TUT4: variants seen among roughly 807,000 people sequenced by gnomAD.
TUT4 encodes terminal uridylyl transferase 4.
TUT4 carries 36 observed loss-of-function variants against 192.2 expected under a neutral mutation model. The ratio of observed to expected loss-of-function variants is 0.19; its 90% confidence interval spans 0.14 to 0.25. TUT4 has a LOEUF of 0.25. Ranked by LOEUF, TUT4 falls within the 10% of genes least tolerant of loss-of-function variation. TUT4 has a pLI of 1.00. For synonymous variants in TUT4, 618 were observed against 666.0 expected (o/e 0.93, Z 1.11); for missense variants, 1,493 against 1,957.2 (o/e 0.76, Z 4.47).
At chr1:52,466,682 A>ATTTTTTT (rs1553174161) in intron 15 of TUT4, among the ~76,000 whole-genome samples, 17 of 123,842 alleles carry the variant, frequency 1.4e-4, no homozygotes, top group African/African-American at 5.2e-4. Flanking sequence ...ATATATATAT[A>ATTTTTTT]TTTTTGAGAC....
chr1:52,480,801 G>C (rs990745064), intron 11 of TUT4, among the ~76,000 whole-genome samples: 2 of 152,204 alleles, frequency 1.3e-5, no homozygotes, highest in African/African-American at 4.8e-5. Context: ...GTGGTTTGAG[G>C]AGAGAGTATA....
At chr1:52,538,230 C>G (rs943769232) in intron 1 of TUT4, among the ~76,000 whole-genome samples, 1 of 151,846 alleles carries the variant, frequency 6.6e-6, no homozygotes, top group African/African-American at 2.4e-5. Flanking sequence ...AGCAAGACTC[C>G]ATCTCAAAAA....
intron 2 of TUT4, among the ~76,000 whole-genome samples, chr1:52,516,608 T>C (rs925529987): frequency 6.6e-6 from 1 of 152,184 alleles, no homozygotes; most frequent in Non-Finnish European, 1.5e-5. Flanking sequence ...ACAGACTATG[T>C]TTTCACCTTT....
chr1:52,553,305 G>C (rs1161144584), upstream of TUT4: 3 of 150,602 alleles, frequency 2.0e-5, no homozygotes, highest in African/African-American at 7.3e-5. Flanking sequence ...CCCTTCGTTC[G>C]GGGGGCCCCA....
intron 16 of TUT4, among the ~76,000 whole-genome samples, chr1:52,464,685 C>G (rs1418971236): frequency 6.6e-6 from 1 of 152,132 alleles, no homozygotes; most frequent in African/African-American, 2.4e-5. Context: ...TATAGTAACA[C>G]AAAGACATCA....
chr1:52,493,658 T>C lies in TUT4; in HGVS notation c.1271A>G (p.Asn424Ser), dbSNP rs748571622. 3.3e-5 allele frequency: 50 copies of C among 1,508,278 alleles called. No homozygotes were observed. The highest frequency in any genetic ancestry group is 4.4e-5 in the Non-Finnish European group (49 of 1,109,520). The allele number at this position is 1,508,278 out of a possible 1,614,324, so 93.4% of individuals were successfully genotyped here. The change falls in exon 7 of 30, where the codon AAT becomes AGT. Residue 424 changes from asparagine (N) to serine (S), a missense_variant. Transcript: ENST00000257177. ...NIDIKFPPKMNHPDLLIKVLG... is the reference protein window; with the variant it reads ...NIDIKFPPKMSHPDLLIKVLG... ...TACTTTTATCAGAAGATCTGGATGA[T>C]TCATCTAAAAAAGTTTCAAAAATAA...
At chr1:52,505,393 G>A (rs890057369) in intron 4 of TUT4, among the ~76,000 whole-genome samples, 10 of 143,830 alleles carry the variant, frequency 7.0e-5, no homozygotes, top group South Asian at 2.2e-4. Flanking sequence ...TATAGAAGTC[G>A]TCTTCTACTC....
chr1:52,515,391 A>T (rs529008068), intron 3 of TUT4: 1 of 161,348 alleles, frequency 6.2e-6, no homozygotes, highest in East Asian at 1.8e-4. Flanking sequence ...ATCAGAGGTC[A>T]GCAAGTTTCG....
intron 9 of TUT4, among the ~76,000 whole-genome samples, chr1:52,483,527 T>A (rs1669025056): frequency 1.3e-5 from 2 of 152,178 alleles, no homozygotes; most frequent in South Asian, 4.1e-4. Context: ...AAATATTTTT[T>A]AGGCCGGGCA....
At chr1:52,474,499 T>A (rs1379398596) in intron 13 of TUT4, among the ~76,000 whole-genome samples, 1 of 152,186 alleles carries the variant, frequency 6.6e-6, no homozygotes, top group Non-Finnish European at 1.5e-5. Flanking sequence ...AGCTTGAATG[T>A]GGCTTTTGTT....
intron 4 of TUT4, among the ~76,000 whole-genome samples, chr1:52,504,945 T>G (rs1480317764): frequency 6.6e-6 from 1 of 152,256 alleles, no homozygotes; most frequent in East Asian, 1.9e-4. Flanking sequence ...TTCCATTGTA[T>G]GAATACTGTA....
intron 9 of TUT4, among the ~76,000 whole-genome samples, chr1:52,482,304 T>C (rs1240784456): frequency 6.6e-6 from 1 of 152,218 alleles, no homozygotes; most frequent in African/African-American, 2.4e-5. Flanking sequence ...CTATTTCCTA[T>C]ATAGGTATAG....
At position 52,461,216 on chromosome 1, in the gene TUT4, T is replaced by A; in HGVS notation, c.3239A>T (p.His1080Leu). ...ATAAGTAGCTAGCATTCTTGTGTTA[T>A]GTTGAGCCTGAAAAATAATTACATA... Reference protein sequence around the residue: ...DISLYNTLAQHNTRMLATYAA... With the variant: ...DISLYNTLAQLNTRMLATYAA... Residue 1080 changes from histidine (H) to leucine (L), a missense_variant, in exon 19 of 30, where the codon CAT (histidine) becomes CTT (leucine). Coordinates refer to ENST00000257177, the MANE Select transcript of TUT4 (RefSeq NM_001009881.3). The A allele has an allele frequency of 6.2e-7, 1 of 1,603,010 alleles. No individual in the cohort carries two copies. Among genetic ancestry groups the A allele is most frequent in the Non-Finnish European group, 8.5e-7 (1 of 1,175,496 alleles).
At chr1:52,445,036 T>C (rs1485099660) in intron 24 of TUT4, among the ~76,000 whole-genome samples, 1 of 150,820 alleles carries the variant, frequency 6.6e-6, no homozygotes, top group Non-Finnish European at 1.5e-5. Context: ...TGTGTATATA[T>C]ATATGTGTGT....
At chr1:52,434,008 TAG>T (rs1652953133) in intron 27 of TUT4, 1 of 152,208 alleles carries the variant, frequency 6.6e-6, no homozygotes, top group African/African-American at 2.4e-5. Context: ...TAATGATACA[TAG>T]AGATTTATTT....
Position 52,526,045 on chromosome 1 carries a change from T to C in TUT4, c.236A>G (p.Asn79Ser), listed in dbSNP as rs755796267. Reference sequence around the variant, plus strand: ...CCCCAAATCTTTAGGACCTGGAAGGTTGGCAGCATTTACTTTACATGATTT... The same window carrying C: ...CCCCAAATCTTTAGGACCTGGAAGGCTGGCAGCATTTACTTTACATGATTT... ...EVKSCKVNAA[N>S]LPGPKDLGLV... Residue 79 changes from asparagine to serine, a missense_variant, in exon 2 of 30, where the codon AAC (asparagine) becomes AGC (serine). By Grantham distance (46) the Asn-to-Ser change is conservative. Around this residue, in one of 7 missense-constraint regions of TUT4, gnomAD observed 260 missense variants for 247.8 expected, o/e 1.05. Transcript: ENST00000257177. 68 of 1,611,990 alleles carry C rather than the reference T, an allele frequency of 4.2e-5. No individual in the cohort carries two copies. The highest frequency in any genetic ancestry group is 3.4e-4 in the South Asian group (31 of 90,230).
At chr1:52,425,314 C>G in intron 29 of TUT4, 35 bp downstream of exon 29, 1 of 1,601,858 alleles carries the variant, frequency 6.2e-7, no homozygotes, top group Non-Finnish European at 8.5e-7. Context: ...ATAAAACCCA[C>G]CCAAGCCTGT....
intron 20 of TUT4, among the ~76,000 whole-genome samples, chr1:52,447,743 C>A (rs1657998261): frequency 6.6e-6 from 1 of 152,138 alleles, no homozygotes; most frequent in South Asian, 2.1e-4. Context: ...AGCCTCTATC[C>A]TGAGGAATAG....
At chr1:52,501,723 G>T (rs1557867538) in intron 4 of TUT4, among the ~76,000 whole-genome samples, 1 of 152,136 alleles carries the variant, frequency 6.6e-6, no homozygotes, top group Non-Finnish European at 1.5e-5. Flanking sequence ...TCCATCCATG[G>T]ATGAAATGAT....
Sources: allele counts gnomAD v4.1 joint callset (sites outside exome capture counted in the v4.1 genomes callset), GRCh38; gene constraint gnomAD v4.1.1; regional missense constraint gnomAD v4.1.1; transcripts MANE v1.5; gene names NCBI Gene and HGNC (gene_info 2026-07-23, HGNC 2026-07-21).